Variants in DOCK8 observed in about 807,000 individuals in gnomAD.
The protein encoded by DOCK8 is dedicator of cytokinesis 8.
In DOCK8, 141 loss-of-function variants were observed where a neutral mutation model predicts 245.6. That is an observed-to-expected ratio of 0.57 (90% CI 0.50 to 0.66). The LOEUF is 0.66. Among genes scored for constraint, DOCK8 ranks in the 30% least tolerant of loss-of-function variants. The pLI is 0.00. For synonymous variants in DOCK8, 1,168 were observed against 970.2 expected (o/e 1.20, Z -3.79); for missense variants, 2,965 against 2,603.4 (o/e 1.14, Z -3.02).
At chr9:212,297 C>G (rs2046631989), upstream of DOCK8, among the ~76,000 whole-genome samples, 1 of 152,060 alleles carries the variant, frequency 6.6e-6, no homozygotes, top group Non-Finnish European at 1.5e-5. Flanking sequence ...GTGGGGAAAA[C>G]TAGAGCATTT....
At chr9:411,877 A>G (rs1228305359) in intron 28 of DOCK8, among the ~76,000 whole-genome samples, 3 of 152,232 alleles carry the variant, frequency 2.0e-5, no homozygotes, top group African/African-American at 7.2e-5. Context: ...ATTTAATAAA[A>G]TCTAATAACG....
chr9:290,263 T>G (rs954382393), intron 4 of DOCK8, among the ~76,000 whole-genome samples: 2 of 151,874 alleles, frequency 1.3e-5, no homozygotes, highest in South Asian at 4.1e-4. Context: ...CTTAAAACAT[T>G]ATGAGGTTTT....
At chr9:211,676 A>T (rs369644777), upstream of DOCK8, among the ~76,000 whole-genome samples, 120 of 152,268 alleles carry the variant, frequency 7.9e-4, 1 homozygote, top group African/African-American at 2.9e-3. Flanking sequence ...GGAGGAAAAA[A>T]AGTTAGAGCT....
intron 14 of DOCK8, among the ~76,000 whole-genome samples, chr9:344,375 G>T (rs75177501): frequency 0.023 from 3,481 of 152,294 alleles, 53 homozygotes; most frequent in Non-Finnish European, 0.037. Context: ...AATTTTTAGT[G>T]TTCTTCTCCA....
At chr9:429,251 G>GC (rs1477494517) in intron 35 of DOCK8, among the ~76,000 whole-genome samples, 14 of 152,258 alleles carry the variant, frequency 9.2e-5, no homozygotes, top group Non-Finnish European at 1.8e-4. Flanking sequence ...ACAGGCGTGA[G>GC]CCCCCGTTCC....
At chr9:297,713 A>G (rs2049324711) in intron 4 of DOCK8, among the ~76,000 whole-genome samples, 1 of 151,650 alleles carries the variant, frequency 6.6e-6, no homozygotes, top group Admixed American at 6.6e-5. Flanking sequence ...ATGTTTGCCA[A>G]CCCTTGTCCT....
chr9:263,415 C>G lies in DOCK8; in HGVS notation c.54-8212C>G, dbSNP rs12338228. ...TTTAAAACACATGAAATCCGTTTAC[C>G]CCTCAAACCTTTTGTGTATCATTGA... On this transcript the variant is annotated intron_variant, in intron 1 of 47. Coordinates refer to ENST00000432829, the MANE Select transcript of DOCK8 (RefSeq NM_203447.4). 3.3e-3 allele frequency among the ~76,000 whole-genome samples: 505 copies of G among 152,130 alleles called. 1 individual carries two copies. Among genetic ancestry groups the G allele is most frequent in the African/African-American group, 0.012 (482 of 41,504 alleles).
intron 1 of DOCK8, among the ~76,000 whole-genome samples, chr9:252,445 C>T (rs192126365): frequency 2.6e-5 from 4 of 152,082 alleles, no homozygotes; most frequent in Non-Finnish European, 5.9e-5. Context: ...AATATGATTA[C>T]TGTGTAAGTT....
intron 14 of DOCK8, among the ~76,000 whole-genome samples, chr9:341,855 T>C (rs2051611571): frequency 6.6e-6 from 1 of 152,194 alleles, no homozygotes; most frequent in Non-Finnish European, 1.5e-5. Context: ...CTCCTCCTCC[T>C]GTCAGATCAG....
intron 29 of DOCK8, 43 bp from the exon 30 acceptor site, chr9:418,025 T>A (rs1288933559): frequency 1.2e-6 from 2 of 1,613,620 alleles, no homozygotes; most frequent in African/African-American, 1.3e-5. Context: ...CATGGGGAAA[T>A]GTCATGTTTG....
At chr9:441,742 G>T (rs954492731) in intron 41 of DOCK8, 133 bp from the exon 42 acceptor site, 15 of 1,165,786 alleles carry the variant, frequency 1.3e-5, no homozygotes, top group Non-Finnish European at 1.6e-5. Context: ...TTTTTTTAAG[G>T]AGTAATTTCT....
At chr9:281,241 C>CT (rs959900704) in intron 2 of DOCK8, among the ~76,000 whole-genome samples, 1 of 146,562 alleles carries the variant, frequency 6.8e-6, no homozygotes, top group Non-Finnish European at 1.5e-5. Flanking sequence ...GAGTGAGACT[C>CT]TGTCTCAAAA....
chr9:274,045 T>G (rs1230076187), intron 2 of DOCK8, among the ~76,000 whole-genome samples: 1 of 152,164 alleles, frequency 6.6e-6, no homozygotes, highest in Non-Finnish European at 1.5e-5. Context: ...AAATTTTCTT[T>G]CAGGAGAAAT....
intron 46 of DOCK8, among the ~76,000 whole-genome samples, chr9:459,485 G>C (rs1359215720): frequency 1.3e-5 from 2 of 152,016 alleles, no homozygotes; most frequent in African/African-American, 4.8e-5. Flanking sequence ...CAATTTAGTG[G>C]CTTAAAAGAA....
At chr9:338,588 C>A (rs17722637) in intron 12 of DOCK8, among the ~76,000 whole-genome samples, 1 of 152,092 alleles carries the variant, frequency 6.6e-6, no homozygotes, top group Admixed American at 6.6e-5. Flanking sequence ...TAACCTTGTT[C>A]GAGACAAATG....
chr9:439,377 C>T lies in DOCK8; in HGVS notation c.5212C>T (p.Leu1738Phe), dbSNP rs1470353018. 2 of 1,613,374 alleles carry T rather than the reference C, an allele frequency of 1.2e-6. No homozygotes were observed. Among genetic ancestry groups the T allele is most frequent in the East Asian group, 2.2e-5 (1 of 44,868 alleles). Reference protein sequence around the residue: ...LVGLLEQAAELFSTGGLYETV... With the variant: ...LVGLLEQAAEFFSTGGLYETV... ...AGGCCTCCTGGAGCAGGCCGCGGAG[C>T]TCTTCAGCACGGTCAGTGCCCAGAG... The change falls in exon 40 of 48, where the codon CTC becomes TTC. Residue 1738 changes from leucine to phenylalanine, a missense_variant. Physicochemically the swap from Leu to Phe is conservative, Grantham distance 22 (BLOSUM62 0). Around this residue, in one of 3 missense-constraint regions of DOCK8, gnomAD observed 2,825 missense variants for 2,453.5 expected, o/e 1.15. Coordinates refer to ENST00000432829, the MANE Select transcript of DOCK8 (RefSeq NM_203447.4).
chr9:396,733 A>C, intron 24 of DOCK8, 52 bp from the exon 25 acceptor site: 1 of 1,610,942 alleles, frequency 6.2e-7, no homozygotes, highest in South Asian at 1.1e-5. Context: ...TCTGCATTGT[A>C]CAAGCAGGTC....
chr9:375,286 A>G (rs1344849035), intron 18 of DOCK8, among the ~76,000 whole-genome samples: 2 of 152,194 alleles, frequency 1.3e-5, no homozygotes, highest in African/African-American at 2.4e-5. Context: ...ACTGCAGGAC[A>G]TCTCTAAAGG....
intron 14 of DOCK8, among the ~76,000 whole-genome samples, chr9:346,333 G>C (rs1448517997): frequency 1.3e-5 from 2 of 150,282 alleles, no homozygotes; most frequent in Non-Finnish European, 3.0e-5. Context: ...CTGCTTTCTG[G>C]TGGGGGCAGA....
Sources: allele counts gnomAD v4.1 joint callset (sites outside exome capture counted in the v4.1 genomes callset), GRCh38; gene constraint gnomAD v4.1.1; regional missense constraint gnomAD v4.1.1; transcripts MANE v1.5; gene names NCBI Gene and HGNC (gene_info 2026-07-23, HGNC 2026-07-21).